Variants in SAMTOR observed in about 807,000 individuals in gnomAD.
The protein encoded by SAMTOR is S-adenosylmethionine sensor upstream of mTORC1.
chr7:112,865,232 T>C, the SAMTOR span, among the ~76,000 whole-genome samples: 1 of 152,074 alleles, frequency 6.6e-6, no homozygotes, highest in African/African-American at 2.4e-5. Context: ...GAGGATCACT[T>C]GAGGCCAGGA....
chr7:112,828,600 C>T, the SAMTOR span, among the ~76,000 whole-genome samples: 1 of 152,104 alleles, frequency 6.6e-6, no homozygotes, highest in Non-Finnish European at 1.5e-5. Flanking sequence ...GTTAGAACTC[C>T]AACATATCTG....
chr7:112,844,253 T>C, the SAMTOR span, among the ~76,000 whole-genome samples: 1 of 152,116 alleles, frequency 6.6e-6, no homozygotes, highest in Non-Finnish European at 1.5e-5. Context: ...CTATTCAACA[T>C]AGTACTGGGA....
the SAMTOR span, among the ~76,000 whole-genome samples, chr7:112,866,227 T>A: frequency 6.6e-6 from 1 of 152,182 alleles, no homozygotes; most frequent in Non-Finnish European, 1.5e-5. Context: ...TGAGGAAGAA[T>A]GTGAACCATA....
the SAMTOR span, among the ~76,000 whole-genome samples, chr7:112,824,274 T>A: frequency 6.6e-6 from 1 of 152,196 alleles, no homozygotes; most frequent in East Asian, 1.9e-4. Context: ...ATAAAGACTT[T>A]TTTTCAAAAT....
chr7:112,881,052 G>C, the SAMTOR span, among the ~76,000 whole-genome samples: 2 of 152,152 alleles, frequency 1.3e-5, no homozygotes, highest in Admixed American at 6.5e-5. Context: ...CGCTCTTGGG[G>C]GCCTGGGAAG....
At chr7:112,846,145 C>CCTTTTT in the SAMTOR span, among the ~76,000 whole-genome samples, 1 of 129,004 alleles carries the variant, frequency 7.8e-6, no homozygotes, top group African/African-American at 3.0e-5. Context: ...ATCTGTACAA[C>CCTTTTT]TTTTTTTTTT....
At chr7:112,904,412 T>A in the SAMTOR span, among the ~76,000 whole-genome samples, 11 of 152,052 alleles carry the variant, frequency 7.2e-5, no homozygotes, top group Middle Eastern at 3.2e-3. Flanking sequence ...TGCTATTTTT[T>A]AAAAAAGTAA....
the SAMTOR span, among the ~76,000 whole-genome samples, chr7:112,863,385 G>A: frequency 1.3e-5 from 2 of 152,110 alleles, no homozygotes; most frequent in African/African-American, 4.8e-5. Flanking sequence ...CAAATACTTC[G>A]TGATGAAGAT....
At chr7:112,836,661 G>T in the SAMTOR span, among the ~76,000 whole-genome samples, 1 of 151,980 alleles carries the variant, frequency 6.6e-6, no homozygotes, top group Non-Finnish European at 1.5e-5. Context: ...TAAGAAAGAG[G>T]TCCAGTTTCA....
At chr7:112,833,185 G>C in the SAMTOR span, among the ~76,000 whole-genome samples, 1 of 151,918 alleles carries the variant, frequency 6.6e-6, no homozygotes, top group African/African-American at 2.4e-5. Context: ...TCAGGCTGTT[G>C]CAACATCACA....
the SAMTOR span, among the ~76,000 whole-genome samples, chr7:112,897,134 C>T: frequency 6.6e-6 from 1 of 152,118 alleles, no homozygotes; most frequent in Non-Finnish European, 1.5e-5. Flanking sequence ...AATCTAATGA[C>T]AGAGAGCAGT....
chr7:112,820,307 C>A, the SAMTOR span: 1 of 152,310 alleles, frequency 6.6e-6, no homozygotes, highest in Non-Finnish European at 1.5e-5. Context: ...ATCAGCTTTA[C>A]CAGAGTAAAG....
the SAMTOR span, among the ~76,000 whole-genome samples, chr7:112,916,870 A>T: frequency 6.6e-6 from 1 of 152,328 alleles, no homozygotes; most frequent in Non-Finnish European, 1.5e-5. Context: ...TCAAACTGCA[A>T]GGCGGCAGCG....
chr7:112,939,605 T>C, the SAMTOR span: 1 of 1,613,942 alleles, frequency 6.2e-7, no homozygotes, highest in African/African-American at 1.3e-5. Flanking sequence ...TCGGTACTTC[T>C]TGCGGAGCCG....
At chr7:112,850,267 T>C in the SAMTOR span, among the ~76,000 whole-genome samples, 1 of 152,180 alleles carries the variant, frequency 6.6e-6, no homozygotes, top group East Asian at 1.9e-4. Context: ...TTATTCATGG[T>C]ATATTATATT....
At chr7:112,872,726 A>G in the SAMTOR span, among the ~76,000 whole-genome samples, 1 of 152,150 alleles carries the variant, frequency 6.6e-6, no homozygotes, top group Non-Finnish European at 1.5e-5. Flanking sequence ...TCTTCAGAAA[A>G]TTCTAGAGAC....
the SAMTOR span, among the ~76,000 whole-genome samples, chr7:112,924,937 A>G: frequency 1.3e-5 from 2 of 152,192 alleles, no homozygotes; most frequent in African/African-American, 4.8e-5. Flanking sequence ...AAGGAAAAAG[A>G]AAAAAGGGTG....
the SAMTOR span, among the ~76,000 whole-genome samples, chr7:112,934,499 T>G: frequency 6.6e-6 from 1 of 152,226 alleles, no homozygotes; most frequent in African/African-American, 2.4e-5. Flanking sequence ...CCCTTCTTTA[T>G]TTTCACTGAA....
chr7:112,825,850 T>C, the SAMTOR span, among the ~76,000 whole-genome samples: 1 of 151,532 alleles, frequency 6.6e-6, no homozygotes, highest in Non-Finnish European at 1.5e-5. Flanking sequence ...CCTTAAATTC[T>C]GAGTTTTTTT....
Sources: gnomAD v4.1 joint callset for allele counts (sites outside exome capture counted in the v4.1 genomes callset) on GRCh38, gnomAD v4.1.1 for gene constraint, MANE v1.5 for transcripts, NCBI Gene and HGNC (gene_info 2026-07-23, HGNC 2026-07-21) for gene names.